Variants in KCNQ1 observed in about 807,000 individuals in gnomAD.
KCNQ1 encodes the protein potassium voltage-gated channel subfamily KQT member 1.
In KCNQ1, 49 loss-of-function variants were observed where a neutral mutation model predicts 72.4. The observed-to-expected ratio is 0.68, with a 90% CI of 0.54 to 0.86. KCNQ1 has a LOEUF of 0.86. Ranked by LOEUF, KCNQ1 falls within the 40% of genes least tolerant of loss-of-function variation. The pLI, the probability that KCNQ1 is intolerant of heterozygous loss-of-function variation, is 0.00. For synonymous variants in KCNQ1, 450 were observed against 412.6 expected (o/e 1.09, Z -1.10); for missense variants, 790 against 945.1 (o/e 0.84, Z 2.15).
In KCNQ1 at chr11:2,565,777, A is replaced by G. The variant is rs547697499; in HGVS notation, c.478-4851A>G. The stretch of plus-strand genomic sequence containing the variant: ...TCCGAGGCGTTTCTTCCCACTTCAC[A>G]TGTCTTTTCTGTTGTTTCTGCGAAG... On this transcript the variant is annotated intron_variant, in intron 2 of 15. Coordinates refer to ENST00000155840, the MANE Select transcript of KCNQ1 (RefSeq NM_000218.3). The surrounding 1 kb of genome is among the most constrained non-coding windows in gnomAD (Gnocchi z 5.6). 1.3e-5 allele frequency among the ~76,000 whole-genome samples: 2 copies of G among 152,140 alleles called. No individual in the cohort carries two copies. The highest frequency in any genetic ancestry group is 2.1e-4 in the South Asian group (1 of 4,834).
At chr11:2,760,990 C>T (rs1846383987) in intron 11 of KCNQ1, among the ~76,000 whole-genome samples, 1 of 152,224 alleles carries the variant, frequency 6.6e-6, no homozygotes, top group Non-Finnish European at 1.5e-5. Flanking sequence ...TTAGTCAGCT[C>T]AGTTAGACCC....
rs1010555121 is a variant in KCNQ1 at position 2,563,426 on chromosome 11, C to G, written c.478-7202C>G. ...GCTTCGGGCAGGTCTCCTCTTTATG[C>G]CACTGTAACCCCACAACACCGGATA... On this transcript the variant is annotated intron_variant, in intron 2 of 15. Transcript: ENST00000155840. This position sits in a 1 kb window ranked among gnomAD's most constrained non-coding sequence, Gnocchi z 7.4. 5.3e-5 allele frequency among the ~76,000 whole-genome samples: 8 copies of G among 152,340 alleles called. No individual in the cohort carries two copies. Among genetic ancestry groups the G allele is most frequent in the African/African-American group, 1.7e-4 (7 of 41,576 alleles).
In KCNQ1 at chr11:2,495,081, C is replaced by A. The variant is rs533798642; in HGVS notation, c.387-32847C>A. On this transcript the variant is annotated intron_variant, in intron 1 of 15. Transcript: ENST00000155840. This position sits in a 1 kb window ranked among gnomAD's most constrained non-coding sequence, Gnocchi z 4.6. ...GTTTAGTCTTGGAGGGTGTATGTGT[C>A]CAGGAATTTATCCATTTTTTCTAGA... is the stretch of plus-strand genomic sequence containing the variant. 1.7e-4 allele frequency among the ~76,000 whole-genome samples: 26 copies of A among 152,140 alleles called. No individual in the cohort carries two copies. The highest frequency in any genetic ancestry group is 4.6e-4 in the Admixed American group (7 of 15,288).
At chr11:2,546,010 T>A (rs182044897) in intron 2 of KCNQ1, among the ~76,000 whole-genome samples, 94 of 152,262 alleles carry the variant, frequency 6.2e-4, no homozygotes, top group African/African-American at 2.2e-3. Context: ...TGATTAATTT[T>A]AATTATTTTA....
intron 1 of KCNQ1, among the ~76,000 whole-genome samples, chr11:2,459,510 G>A (rs1846243373): frequency 6.6e-6 from 1 of 152,268 alleles, no homozygotes; most frequent in East Asian, 1.9e-4. Flanking sequence ...GGGTATGTAG[G>A]GGTCACTGCC....
Position 2,657,026 on chromosome 11 carries a change from C to T in KCNQ1, c.1394-4935C>T. On this transcript the variant is annotated intron_variant, in intron 10 of 15. Transcript: ENST00000155840. This position sits in a 1 kb window ranked among gnomAD's most constrained non-coding sequence, Gnocchi z 4.8. ...CAGGCCACCTCTGATACACAGCAAGCTTCCATATTTGTGTGGGCTGTTTCC... is the reference window on the plus strand; with the variant it reads ...CAGGCCACCTCTGATACACAGCAAGTTTCCATATTTGTGTGGGCTGTTTCC... The T allele has an allele frequency of 2.5e-6, 1 of 398,646 alleles. No homozygotes were observed. The highest frequency in any genetic ancestry group is 6.3e-4 in the Middle Eastern group (1 of 1,588). The allele number at this position is 398,646 out of a possible 1,614,324, so 24.7% of individuals were successfully genotyped here. A position where few individuals can be genotyped will look rare whatever the true frequency, so the allele number is the denominator to read the frequency against.
At chr11:2,798,604 C>T (rs560587865) in intron 15 of KCNQ1, among the ~76,000 whole-genome samples, 6 of 151,168 alleles carry the variant, frequency 4.0e-5, no homozygotes, top group East Asian at 1.9e-4. Flanking sequence ...GCAAACAGAA[C>T]GAATTTTCTT....
chr11:2,633,193 T>G lies in KCNQ1; in HGVS notation c.1394-28768T>G, dbSNP rs147753998. 6 of 398,552 alleles carry G rather than the reference T, an allele frequency of 1.5e-5. No homozygotes were observed. In the East Asian group the frequency reaches 2.1e-4, roughly 14 times the overall value. 24.7% of individuals were successfully genotyped at this position (398,552 alleles called of 1,614,324 possible). ...GTTGAGCATTTTTTCACATACCTGT[T>G]GGCCAGTTGTTCTATTTTGCACATT... On this transcript the variant is annotated intron_variant, in intron 10 of 15. Coordinates refer to ENST00000155840, the MANE Select transcript of KCNQ1 (RefSeq NM_000218.3).
chr11:2,578,860 C>T (rs1848459425), intron 6 of KCNQ1, among the ~76,000 whole-genome samples: 1 of 152,246 alleles, frequency 6.6e-6, no homozygotes, highest in Admixed American at 6.5e-5. Flanking sequence ...GAACGTGGGT[C>T]CTGCAGGCCT....
At position 2,712,293 on chromosome 11, in the gene KCNQ1, C is replaced by T. The variant is rs1170586641; in HGVS notation, c.1514+50212C>T. Among the ~76,000 whole-genome samples the T allele has an allele frequency of 6.6e-6, 1 of 152,022 alleles. No homozygotes were observed. Among genetic ancestry groups the T allele is most frequent in the African/African-American group, 2.4e-5 (1 of 41,364 alleles). ...TGTGGGATGGACTGACACTGGTGAC[C>T]CCTGCCTGGGGGAAGCAGACTCTAG... is the stretch of plus-strand genomic sequence containing the variant. On this transcript the variant is annotated intron_variant, in intron 11 of 15. Transcript: ENST00000155840. The surrounding 1 kb of genome is among the most constrained non-coding windows in gnomAD (Gnocchi z 6.4).
intron 11 of KCNQ1, chr11:2,693,541 A>C: frequency 5.0e-6 from 2 of 398,558 alleles, no homozygotes; most frequent in Non-Finnish European, 8.8e-6. Flanking sequence ...GCTGCTAGGG[A>C]GGTTGAGCCC....
rs565485713 is a variant in KCNQ1, at chr11:2,538,623, G to A, written c.477+10605G>A. On this transcript the variant is annotated intron_variant, in intron 2 of 15. Coordinates refer to ENST00000155840, the MANE Select transcript of KCNQ1 (RefSeq NM_000218.3). The surrounding 1 kb of genome is among the most constrained non-coding windows in gnomAD (Gnocchi z 6.7). ...CTGGGCTGGAACCGGAACGTTCCCC[G>A]AGTACATAGGAATCCTGGGCTGGAA... Among the ~76,000 whole-genome samples, 33 of 152,192 alleles carry A rather than the reference G, an allele frequency of 2.2e-4. No homozygotes were observed. Among genetic ancestry groups the A allele is most frequent in the Admixed American group, 8.5e-4 (13 of 15,286 alleles).
chr11:2,763,480 T>G (rs770606540), intron 11 of KCNQ1, among the ~76,000 whole-genome samples: 1 of 152,196 alleles, frequency 6.6e-6, no homozygotes, highest in African/African-American at 2.4e-5. Flanking sequence ...AAAAAACTTT[T>G]TTGAAAGATT....
chr11:2,660,239 AT>A (rs1436985593), intron 10 of KCNQ1: 1 of 398,108 alleles, frequency 2.5e-6, no homozygotes, highest in Non-Finnish European at 4.4e-6. Context: ...TCATTTTCTA[AT>A]TGTTGATCAT....
In KCNQ1 at chr11:2,662,957, C is replaced by T. The variant is rs560032430; in HGVS notation, c.1514+876C>T. The T allele has an allele frequency of 2.6e-4, 105 of 398,704 alleles. No individual in the cohort carries two copies. In the East Asian group the frequency reaches 3.1e-3, roughly 12 times the overall value. The allele number at this position is 398,704 out of a possible 1,614,324, so 24.7% of individuals were successfully genotyped here. A position where few individuals can be genotyped will look rare whatever the true frequency, so the allele number is the denominator to read the frequency against. ...GTCTTTGTCGTAGTGAGGCCCTGGGCCTCCTGCCTTTGCAGCCAGCCAGGT... is the reference window on the plus strand; with the variant it reads ...GTCTTTGTCGTAGTGAGGCCCTGGGTCTCCTGCCTTTGCAGCCAGCCAGGT... On this transcript the variant is annotated intron_variant, in intron 11 of 15. Transcript: ENST00000155840.
chr11:2,575,925 C>T (rs1848416755), intron 6 of KCNQ1, among the ~76,000 whole-genome samples: 1 of 152,244 alleles, frequency 6.6e-6, no homozygotes, highest in South Asian at 2.1e-4. Context: ...GCCTGCCCCT[C>T]CGAAAGCTCA....
intron 1 of KCNQ1, among the ~76,000 whole-genome samples, chr11:2,523,825 G>C (rs541235645): frequency 6.9e-6 from 1 of 145,488 alleles, no homozygotes; most frequent in Admixed American, 7.2e-5. Flanking sequence ...AGCAGACCTG[G>C]GTCCTGCCCA....
intron 1 of KCNQ1, among the ~76,000 whole-genome samples, chr11:2,523,536 A>G (rs1383499811): frequency 6.6e-6 from 1 of 152,084 alleles, no homozygotes; most frequent in Non-Finnish European, 1.5e-5. Flanking sequence ...GAGGTCACCA[A>G]CTGCCACTGT....
At position 2,538,466 on chromosome 11, in the gene KCNQ1, C is replaced by A. The variant is rs879552755; in HGVS notation, c.477+10448C>A. ...CATCATTTATGCCCCAGCCAGGTCC[C>A]CTGTCCCAGGACCGCGGTTGACAGG... On this transcript the variant is annotated intron_variant, in intron 2 of 15. Coordinates refer to ENST00000155840, the MANE Select transcript of KCNQ1 (RefSeq NM_000218.3). This position sits in a 1 kb window ranked among gnomAD's most constrained non-coding sequence, Gnocchi z 6.7. 2.0e-5 allele frequency among the ~76,000 whole-genome samples: 3 copies of A among 152,224 alleles called. No individual in the cohort carries two copies. The highest frequency in any genetic ancestry group is 7.2e-5 in the African/African-American group (3 of 41,460).
Sources: gnomAD v4.1 joint callset for allele counts (sites outside exome capture counted in the v4.1 genomes callset) on GRCh38, gnomAD v4.1.1 for gene constraint, Gnocchi (gnomAD v3.1) non-coding constraint, MANE v1.5 for transcripts, NCBI Gene and HGNC (gene_info 2026-07-23, HGNC 2026-07-21) for gene names.